C11orf65: variants seen among roughly 807,000 people sequenced by gnomAD.
The protein encoded by C11orf65 is protein MFI.
A neutral mutation model predicts 35.3 loss-of-function variants in C11orf65; 38 were observed. The ratio of observed to expected loss-of-function variants is 1.08; its 90% CI spans 0.83 to 1.41. The LOEUF (loss-of-function observed/expected upper bound fraction) is 1.41, where lower values mean the gene tolerates loss of function less well. Among genes scored for constraint, C11orf65 ranks in the 40% most tolerant of loss-of-function variants. The probability of loss-of-function intolerance (pLI) is 0.00; values close to 1 mark genes in which losing one functional copy is unlikely to be tolerated. For missense variants in C11orf65, 370 were observed against 367.1 expected (o/e 1.01, Z -0.06); for synonymous variants, 105 against 114.4 (o/e 0.92, Z 0.53).
intron 6 of C11orf65, chr11:108,315,752 A>G (rs1466579778): frequency 1.1e-5 from 13 of 1,190,098 alleles, no homozygotes; most frequent in South Asian, 2.5e-5. Context: ...TAATGATACA[A>G]TTTAAAATTT....
At chr11:108,441,295 G>A (rs751639517) in intron 2 of C11orf65, among the ~76,000 whole-genome samples, 1 of 152,216 alleles carries the variant, frequency 6.6e-6, no homozygotes, top group Non-Finnish European at 1.5e-5. Context: ...CATTGCTGAG[G>A]CTTGAGTAGG....
intron 2 of C11orf65, among the ~76,000 whole-genome samples, chr11:108,342,093 G>GT (rs35119654): frequency 0.018 from 2,675 of 151,140 alleles, 74 homozygotes; most frequent in African/African-American, 0.061. Context: ...TTTTTTTGCA[G>GT]TTTTTTTTTC....
At chr11:108,427,875 G>C (rs1305401836) in intron 3 of C11orf65, among the ~76,000 whole-genome samples, 3 of 91,356 alleles carry the variant, frequency 3.3e-5, no homozygotes, top group Non-Finnish European at 5.8e-5. Flanking sequence ...CTGTTGCCCA[G>C]GCTGGAGTGC....
intron 3 of C11orf65, among the ~76,000 whole-genome samples, chr11:108,412,289 A>C (rs1277585425): frequency 6.6e-6 from 1 of 152,124 alleles, no homozygotes; most frequent in African/African-American, 2.4e-5. Flanking sequence ...CAGAGAAGGC[A>C]GTAAAGTGAA....
intron 2 of C11orf65, among the ~76,000 whole-genome samples, chr11:108,360,012 G>T (rs527316357): frequency 3.3e-5 from 5 of 151,944 alleles, no homozygotes; most frequent in Non-Finnish European, 5.9e-5. Flanking sequence ...CCAGGAGCTG[G>T]TTTTTTGAAA....
chr11:108,440,876 G>A (rs565608232), intron 2 of C11orf65, among the ~76,000 whole-genome samples: 23 of 152,278 alleles, frequency 1.5e-4, no homozygotes, highest in South Asian at 1.2e-3. Context: ...GGCCAAATAG[G>A]AAGAGCCCCA....
intron 2 of C11orf65, among the ~76,000 whole-genome samples, chr11:108,349,524 G>A (rs886238074): frequency 2.2e-4 from 34 of 152,124 alleles, no homozygotes; most frequent in Non-Finnish European, 7.4e-5. Flanking sequence ...TTAGCCGGGC[G>A]AGGTGGTGGG....
intron 3 of C11orf65, among the ~76,000 whole-genome samples, chr11:108,419,641 G>A (rs1300689764): frequency 6.6e-6 from 1 of 152,208 alleles, no homozygotes; most frequent in Non-Finnish European, 1.5e-5. Flanking sequence ...GGTTGAGGCT[G>A]CAGTGAGCTA....
chr11:108,419,416 G>T (rs1046413821), intron 3 of C11orf65, among the ~76,000 whole-genome samples: 1 of 152,182 alleles, frequency 6.6e-6, no homozygotes, highest in African/African-American at 2.4e-5. Flanking sequence ...AAAAACTCTT[G>T]TCTGGGCACA....
intron 2 of C11orf65, among the ~76,000 whole-genome samples, chr11:108,450,668 A>G (rs1009393769): frequency 1.3e-5 from 2 of 150,556 alleles, no homozygotes; most frequent in Non-Finnish European, 3.0e-5. Context: ...AGATATACCT[A>G]ATGCTAAATG....
Position 108,353,827 on chromosome 11 carries a change from C to A in C11orf65, c.227-18535G>T, listed in dbSNP as rs1057523011. The A allele has an allele frequency of 4.3e-6, 7 of 1,614,010 alleles. No individual in the cohort carries two copies. The East Asian group carries it at 1.6e-4, about 36-fold the overall frequency. ...CTGAGACAGTTCCTTTTAGACTCACCAGAGATATTGTGGATGGCATGGGCA... is the reference window on the plus strand; with the variant it reads ...CTGAGACAGTTCCTTTTAGACTCACAAGAGATATTGTGGATGGCATGGGCA... On this transcript the variant is annotated intron_variant, in intron 2 of 3. Coordinates refer to the C11orf65 transcript ENST00000524755.
chr11:108,446,402 A>C (rs952203640), intron 2 of C11orf65, among the ~76,000 whole-genome samples: 6 of 151,720 alleles, frequency 4.0e-5, no homozygotes, highest in Admixed American at 1.3e-4. Context: ...GTTACCCACA[A>C]AGGGAAGCCC....
At position 108,461,583 on chromosome 11, in the gene C11orf65, G is replaced by T; in HGVS notation, c.-9-15C>A. 7.3e-7 allele frequency: 1 copy of T among 1,373,180 alleles called. No homozygotes were observed. The highest frequency in any genetic ancestry group is 1.0e-6 in the Non-Finnish European group (1 of 984,446). 85.1% of individuals were successfully genotyped at this position (1,373,180 alleles called of 1,614,324 possible). On this transcript the variant is annotated splice_polypyrimidine_tract_variant and intron_variant, in intron 1 of 8. Coordinates refer to ENST00000393084, the MANE Select transcript of C11orf65 (RefSeq NM_152587.5). ...ATTTGAAATTCCTAAAAGAAAATGAGCAAAAAGGGTACATTTAAAATAATT... is the reference window on the plus strand; with the variant it reads ...ATTTGAAATTCCTAAAAGAAAATGATCAAAAAGGGTACATTTAAAATAATT...
intron 6 of C11orf65, among the ~76,000 whole-genome samples, chr11:108,403,919 A>G (rs2092489417): frequency 1.3e-5 from 2 of 152,156 alleles, no homozygotes. Flanking sequence ...CCAAGGAATG[A>G]GTCATCTTGC....
downstream of C11orf65, among the ~76,000 whole-genome samples, chr11:108,328,242 CTTTCT>C (rs944383300): frequency 1.2e-4 from 19 of 152,106 alleles, no homozygotes; most frequent in East Asian, 1.5e-3. Flanking sequence ...ATGCGATTGT[CTTTCT>C]TTTCTTTTCT....
intron 3 of C11orf65, among the ~76,000 whole-genome samples, chr11:108,427,595 G>A (rs1171166117): frequency 8.7e-5 from 13 of 148,672 alleles, no homozygotes; most frequent in African/African-American, 1.2e-4. Flanking sequence ...GGTGGCGCGC[G>A]TCTGTAGTCC....
chr11:108,442,472 G>A (rs1239912312), intron 2 of C11orf65, among the ~76,000 whole-genome samples: 2 of 152,118 alleles, frequency 1.3e-5, no homozygotes, highest in Non-Finnish European at 2.9e-5. Flanking sequence ...GAAATACAGA[G>A]AATGCCACAA....
downstream of C11orf65, chr11:108,330,411 G>T (rs754517317): frequency 6.2e-7 from 1 of 1,614,096 alleles, no homozygotes; most frequent in Non-Finnish European, 8.5e-7. Flanking sequence ...GAAGTCAATG[G>T]CATGATGAAG....
At chr11:108,409,043 G>A (rs2092609646) in intron 3 of C11orf65, among the ~76,000 whole-genome samples, 1 of 151,916 alleles carries the variant, frequency 6.6e-6, no homozygotes, top group African/African-American at 2.4e-5. Flanking sequence ...TTTCACTAAG[G>A]TGGACAGATC....
Sources: gnomAD v4.1 joint callset for allele counts (sites outside exome capture counted in the v4.1 genomes callset) on GRCh38, gnomAD v4.1.1 for gene constraint, MANE v1.5 for transcripts, NCBI Gene and HGNC (gene_info 2026-07-23, HGNC 2026-07-21) for gene names.